The following PROC variants were observed in gnomAD, a reference collection of about 807,000 sequenced individuals.
The protein encoded by PROC is protein C, inactivator of coagulation factors Va and VIIIa, also known as vitamin K-dependent protein C.
In PROC, 22 loss-of-function variants were observed where a neutral mutation model predicts 36.3. The observed-to-expected ratio is 0.61, with a 90% CI of 0.43 to 0.86. The LOEUF is 0.86. Among genes scored for constraint, PROC ranks in the 40% least tolerant of loss-of-function variants. The pLI is 0.00. For missense variants in PROC, 526 were observed against 629.7 expected (o/e 0.84, Z 1.76); for synonymous variants, 218 against 244.5 (o/e 0.89, Z 1.01).
chr2:127,422,796 A>G, intron 3 of PROC, 121 bp from the exon 4 acceptor site: 1 of 1,375,594 alleles, frequency 7.3e-7, no homozygotes, highest in South Asian at 1.2e-5. Context: ...TCGGGCGTCG[A>G]TCCCTGTTTG....
chr2:127,424,799 T>A (rs1518759), intron 6 of PROC, among the ~76,000 whole-genome samples: 1 of 152,256 alleles, frequency 6.6e-6, no homozygotes, highest in South Asian at 2.1e-4. Context: ...CTGCAAGGCC[T>A]TGGGAAGGCC....
At chr2:127,422,009 G>A (rs1048692382) in intron 3 of PROC, among the ~76,000 whole-genome samples, 8 of 152,300 alleles carry the variant, frequency 5.3e-5, no homozygotes, top group South Asian at 2.1e-4. Context: ...GCTTGGTAAC[G>A]GGGCTGGCTT....
rs1688728601 is a variant in PROC at position 127,429,221 on chromosome 2, G to T, written c.*275G>T. On this transcript the variant is annotated 3_prime_UTR_variant, in exon 9 of 9. Transcript: ENST00000234071. The stretch of plus-strand genomic sequence containing the variant: ...AGGGGGATACTCTGTTTATGAAAAA[G>T]AATAAAAAACACAACCACGAAGCCA... 1 of 455,932 alleles carries T rather than the reference G, an allele frequency of 2.2e-6. No individual in the cohort carries two copies. The highest frequency in any genetic ancestry group is 4.0e-5 in the East Asian group (1 of 25,304). The allele number at this position is 455,932 out of a possible 1,614,324, so 28.2% of individuals were successfully genotyped here.
Position 127,428,437 on chromosome 2 carries a change from A to G in PROC, c.877A>G (p.Lys293Glu), listed in dbSNP as rs1278372679. 6.2e-7 allele frequency: 1 copy of G among 1,614,148 alleles called. No individual in the cohort carries two copies. The highest frequency in any genetic ancestry group is 8.5e-7 in the Non-Finnish European group (1 of 1,180,024). ...KEVFVHPNYS[K>E]STTDNDIALL... ...GGTCTTCGTCCACCCCAACTACAGC[A>G]AGAGCACCACCGACAATGACATCGC... The change falls in exon 9 of 9, where the codon AAG becomes GAG. Residue 293 changes from lysine (K) to glutamate (E), a missense_variant. Physicochemically the swap from Lys to Glu is moderately conservative, Grantham distance 56 (BLOSUM62 1). Transcript: ENST00000234071.
chr2:127,425,768 G>T (rs1295198566), intron 6 of PROC, among the ~76,000 whole-genome samples: 1 of 151,882 alleles, frequency 6.6e-6, no homozygotes, highest in African/African-American at 2.4e-5. Flanking sequence ...TTGTATCTCA[G>T]GGATTACCCC....
At chr2:127,424,771 T>C (rs72838604) in intron 6 of PROC, among the ~76,000 whole-genome samples, 22 of 152,372 alleles carry the variant, frequency 1.4e-4, no homozygotes, top group Admixed American at 3.3e-4. Context: ...CTGGTGGGCC[T>C]GTTGGCCTGT....
At chr2:127,423,597 T>C in intron 6 of PROC, 189 bp downstream of exon 6, 1 of 743,826 alleles carries the variant, frequency 1.3e-6, no homozygotes, top group Non-Finnish European at 2.0e-6. Context: ...GCCCGGGAGC[T>C]GGGCGCGCCC....
At chr2:127,420,044 T>G (rs1053834125) in intron 2 of PROC, 32 bp downstream of exon 2, 16 of 1,609,652 alleles carry the variant, frequency 9.9e-6, no homozygotes, top group Non-Finnish European at 1.4e-5. Context: ...CCCGGGACCC[T>G]TGTGGCCTCT....
Position 127,426,370 on chromosome 2 carries a change from A to G in PROC, c.678+143A>G. 8.7e-7 allele frequency: 1 copy of G among 1,151,734 alleles called. No homozygotes were observed. The highest frequency in any genetic ancestry group is 1.2e-6 in the Non-Finnish European group (1 of 832,312). The allele number at this position is 1,151,734 out of a possible 1,614,324, so 71.3% of individuals were successfully genotyped here. On this transcript the variant is annotated intron_variant, in intron 7 of 8. Coordinates refer to ENST00000234071, the MANE Select transcript of PROC (RefSeq NM_000312.4). This position sits in a 1 kb window ranked among gnomAD's most constrained non-coding sequence, Gnocchi z 7.0. The stretch of plus-strand genomic sequence containing the variant: ...GGATGATGAAGGTGGGGGATGCTTC[A>G]GGGAAAGATGGACGCAACCTGAGGG...
intron 6 of PROC, 133 bp downstream of exon 6, chr2:127,423,541 C>T (rs557166490): frequency 1.2e-4 from 140 of 1,215,890 alleles, no homozygotes; most frequent in Admixed American, 1.8e-4. Flanking sequence ...AGCCTTGGGG[C>T]AGCGGCAGAC....
At chr2:127,422,676 T>C (rs571066487) in intron 3 of PROC, among the ~76,000 whole-genome samples, 2 of 122,874 alleles carry the variant, frequency 1.6e-5, no homozygotes, top group South Asian at 5.3e-4. Context: ...TGCAGCTGCA[T>C]GGGGAGAGGG....
At chr2:127,421,828 C>T (rs763751512) in intron 3 of PROC, among the ~76,000 whole-genome samples, 2 of 152,134 alleles carry the variant, frequency 1.3e-5, no homozygotes, top group Non-Finnish European at 2.9e-5. Context: ...TGTGTGTGAC[C>T]GAAACTCACT....
At position 127,426,101 on chromosome 2, in the gene PROC, G is replaced by GTT. The variant is rs1558715857; in HGVS notation, c.552_553insTT (p.Arg185LeufsTer14). On this transcript the variant is annotated frameshift_variant, in exon 7 of 9. Transcript: ENST00000234071. LOFTEE classifies it high-confidence loss of function. The surrounding 1 kb of genome is among the most constrained non-coding windows in gnomAD (Gnocchi z 7.0). ...CTACCTCAGTGAAGTTCCCTTGTGGGAGGCCCTGGAAGCGGATGGAGAAGA... is the reference window on the plus strand; with the variant it reads ...CTACCTCAGTGAAGTTCCCTTGTGGGTTAGGCCCTGGAAGCGGATGGAGAAGA... 6.2e-7 allele frequency: 1 copy of GTT among 1,614,112 alleles called. No individual in the cohort carries two copies. The highest frequency in any genetic ancestry group is 8.5e-7 in the Non-Finnish European group (1 of 1,180,024).
intron 6 of PROC, 131 bp from the exon 7 acceptor site, chr2:127,425,954 G>A: frequency 1.1e-6 from 1 of 931,136 alleles, no homozygotes. Context: ...TAATGGAGTG[G>A]TCTAAGTATC....
chr2:127,428,241 CT>C (rs1688652541), intron 8 of PROC, 115 bp from the exon 9 acceptor site: 1 of 1,041,306 alleles, frequency 9.6e-7, no homozygotes, highest in Non-Finnish European at 1.4e-6. Context: ...CCGGGTGAAC[CT>C]TCTTCAGGCC....
intron 3 of PROC, among the ~76,000 whole-genome samples, chr2:127,422,642 A>G (rs1688168920): frequency 6.6e-6 from 1 of 151,760 alleles, no homozygotes; most frequent in Admixed American, 6.6e-5. Flanking sequence ...CTGCTGTGGG[A>G]GCAGACAGTC....
intron 2 of PROC, 37 bp downstream of exon 2, chr2:127,420,049 G>A (rs1335477332): frequency 6.2e-7 from 1 of 1,607,336 alleles, no homozygotes; most frequent in Non-Finnish European, 8.5e-7. Context: ...GACCCTTGTG[G>A]CCTCTACAAG....
Position 127,422,737 on chromosome 2 carries a change from G to A in PROC, c.238-180G>A, listed in dbSNP as rs548991600. 1.8e-3 allele frequency among the ~76,000 whole-genome samples: 272 copies of A among 151,890 alleles called. 2 individuals carry two copies. The highest frequency in any genetic ancestry group is 2.4e-3 in the Non-Finnish European group (165 of 67,926). On this transcript the variant is annotated intron_variant, in intron 3 of 8. Transcript: ENST00000234071. ...GGCTGGGCGCGGGCGGGTGGCGCTG[G>A]AGGGCGGGGGAGGGGCAGGGAGCAC...
At chr2:127,423,838 G>C (rs745964273) in intron 6 of PROC, among the ~76,000 whole-genome samples, 1 of 152,244 alleles carries the variant, frequency 6.6e-6, no homozygotes, top group Admixed American at 6.5e-5. Context: ...CTTCCTTGAG[G>C]AGAGAACAGA....
Sources: allele counts gnomAD v4.1 joint callset (sites outside exome capture counted in the v4.1 genomes callset), GRCh38; gene constraint gnomAD v4.1.1; non-coding constraint Gnocchi (gnomAD v3.1); transcripts MANE v1.5; gene names NCBI Gene and HGNC (gene_info 2026-07-23, HGNC 2026-07-21).